POLN: variants seen among roughly 807,000 people sequenced by gnomAD.
POLN encodes the protein DNA polymerase N.
A neutral mutation model predicts 113.5 loss-of-function variants in POLN; 108 were observed. The observed-to-expected ratio is 0.95, with a 90% confidence interval of 0.81 to 1.12. POLN has a LOEUF of 1.12. POLN is among the 50% of genes most tolerant of loss of function. POLN has a pLI of 0.00. For missense variants in POLN, 1,097 were observed against 1,077.1 expected (o/e 1.02, Z -0.26); for synonymous variants, 386 against 391.5 (o/e 0.99, Z 0.17).
intron 3 of POLN, among the ~76,000 whole-genome samples, chr4:2,216,486 C>T (rs1056458380): frequency 1.3e-4 from 20 of 152,190 alleles, no homozygotes; most frequent in East Asian, 3.8e-4. Flanking sequence ...AGGCTGCACA[C>T]GAGGTGAGCT....
chr4:2,164,694 T>G (rs1732684778), intron 13 of POLN, among the ~76,000 whole-genome samples: 1 of 149,564 alleles, frequency 6.7e-6, no homozygotes, highest in Admixed American at 6.7e-5. Flanking sequence ...TCCCAACTAC[T>G]CGGGAGGCTG....
chr4:2,150,806 A>T (rs936511706), intron 16 of POLN, among the ~76,000 whole-genome samples: 2 of 152,232 alleles, frequency 1.3e-5, no homozygotes, highest in African/African-American at 4.8e-5. Context: ...GATGATGTTA[A>T]ACACTCACTT....
intron 19 of POLN, among the ~76,000 whole-genome samples, chr4:2,117,020 A>C (rs1232361493): frequency 1.3e-5 from 2 of 152,232 alleles, no homozygotes; most frequent in Non-Finnish European, 2.9e-5. Flanking sequence ...AGTTATGCTC[A>C]AAGGCTTACA....
intron 4 of POLN, among the ~76,000 whole-genome samples, chr4:2,209,378 G>A (rs1177440341): frequency 6.6e-6 from 1 of 151,418 alleles, no homozygotes; most frequent in Non-Finnish European, 1.5e-5. Flanking sequence ...TACTCAGGAG[G>A]CTGAGGCAGA....
At chr4:2,144,143 CT>C (rs955583573) in intron 16 of POLN, among the ~76,000 whole-genome samples, 169 of 126,972 alleles carry the variant, frequency 1.3e-3, no homozygotes, top group Middle Eastern at 4.2e-3. Flanking sequence ...AAAATTTGTT[CT>C]TTTTTTTTTT....
chr4:2,157,685 T>C (rs1294010969), intron 15 of POLN, among the ~76,000 whole-genome samples, 173 bp downstream of exon 15: 2 of 129,230 alleles, frequency 1.5e-5, no homozygotes, highest in Non-Finnish European at 3.1e-5. Context: ...ATCCTGACAC[T>C]GCACTCCAGC....
At chr4:2,218,171 C>T (rs2023163) in intron 3 of POLN, among the ~76,000 whole-genome samples, 24,071 of 151,508 alleles carry the variant, frequency 0.16, 3,164 homozygotes, top group East Asian at 0.35. Context: ...GTGGCTCATG[C>T]CTGTAATCCC....
intron 19 of POLN, among the ~76,000 whole-genome samples, chr4:2,105,248 A>C (rs1731035042): frequency 6.6e-6 from 1 of 151,978 alleles, no homozygotes; most frequent in Non-Finnish European, 1.5e-5. Context: ...CCACCTCCTA[A>C]TATCGCTGGA....
At chr4:2,106,684 A>G (rs1187189490) in intron 19 of POLN, among the ~76,000 whole-genome samples, 1 of 152,190 alleles carries the variant, frequency 6.6e-6, no homozygotes, top group African/African-American at 2.4e-5. Context: ...ATCTTTTATC[A>G]TATACTAAAT....
chr4:2,130,689 G>A, intron 17 of POLN, among the ~76,000 whole-genome samples: 1 of 152,114 alleles, frequency 6.6e-6, no homozygotes, highest in South Asian at 2.1e-4. Flanking sequence ...GGGGAGAGAT[G>A]GCAGGAGGAA....
chr4:2,159,021 C>G (rs1732510621), intron 14 of POLN, 134 bp downstream of exon 14: 1 of 732,818 alleles, frequency 1.4e-6, no homozygotes. Flanking sequence ...ACAAGGTTAA[C>G]CTGACAAAAC....
intron 7 of POLN, among the ~76,000 whole-genome samples, chr4:2,181,631 A>G (rs547510547): frequency 1.1e-3 from 170 of 152,324 alleles, no homozygotes; most frequent in Non-Finnish European, 1.8e-3. Context: ...AACATATGAA[A>G]TAGGAAATCA....
chr4:2,203,594 A>T lies in POLN; in HGVS notation c.714+4393T>A, dbSNP rs549234998. On this transcript the variant is annotated intron_variant, in intron 5 of 25. Transcript: ENST00000511885. ...GACTCTGTCTAAAAAAAAAAAAAAA[A>T]ATCTTCAAACTGAACAACAATAGTG... Among the ~76,000 whole-genome samples the T allele has an allele frequency of 4.4e-4, 67 of 151,902 alleles. 1 individual carries two copies. The highest frequency in any genetic ancestry group is 1.6e-3 in the African/African-American group (65 of 41,392).
intron 21 of POLN, among the ~76,000 whole-genome samples, chr4:2,084,277 G>A (rs1730498851): frequency 6.6e-6 from 1 of 152,240 alleles, no homozygotes; most frequent in Non-Finnish European, 1.5e-5. Context: ...GGTTTACCCA[G>A]CCCTACCTGT....
At chr4:2,110,417 C>CA (rs936451818) in intron 19 of POLN, among the ~76,000 whole-genome samples, 1,703 of 152,058 alleles carry the variant, frequency 0.011, 37 homozygotes, top group African/African-American at 0.039. Flanking sequence ...AATAGAGACA[C>CA]AAAAAACCCT....
intron 3 of POLN, 66 bp downstream of exon 3, chr4:2,229,033 C>A (rs1734482856): frequency 2.7e-6 from 4 of 1,461,386 alleles, no homozygotes; most frequent in South Asian, 2.6e-5. Context: ...ATTTTCAATT[C>A]TTAGTCTTTA....
At chr4:2,185,029 TA>T (rs1733235983) in intron 7 of POLN, among the ~76,000 whole-genome samples, 1 of 152,132 alleles carries the variant, frequency 6.6e-6, no homozygotes, top group Admixed American at 6.5e-5. Context: ...AAATAGATGA[TA>T]AAAGGGGATT....
chr4:2,239,598 T>C (rs956033897), intron 2 of POLN, among the ~76,000 whole-genome samples: 1 of 152,196 alleles, frequency 6.6e-6, no homozygotes, highest in Non-Finnish European at 1.5e-5. Flanking sequence ...CATCTATCCA[T>C]ATATTCTCAA....
chr4:2,090,169 G>A (rs1730632684), intron 20 of POLN: 3 of 1,005,646 alleles, frequency 3.0e-6, no homozygotes, highest in Non-Finnish European at 1.5e-6. Context: ...TTCAGAAGAA[G>A]AAAATAAGAC....
Sources: gnomAD v4.1 joint callset for allele counts (sites outside exome capture counted in the v4.1 genomes callset) on GRCh38, gnomAD v4.1.1 for gene constraint, MANE v1.5 for transcripts, NCBI Gene and HGNC (gene_info 2026-07-23, HGNC 2026-07-21) for gene names.